Variants in WWP2 observed in about 807,000 individuals in gnomAD.
The protein encoded by WWP2 is NEDD4-like E3 ubiquitin-protein ligase WWP2.
A neutral mutation model predicts 121.0 loss-of-function variants in WWP2; 57 were observed. The ratio of observed to expected loss-of-function variants is 0.47; its 90% CI spans 0.38 to 0.59. The LOEUF is 0.59. Ranked by LOEUF, WWP2 falls within the 20% of genes least tolerant of loss-of-function variation. The pLI is 0.00. For synonymous variants in WWP2, 449 were observed against 441.3 expected (o/e 1.02, Z -0.22); for missense variants, 962 against 1,158.9 (o/e 0.83, Z 2.47).
At chr16:69,859,734 C>T (rs1021494517) in intron 6 of WWP2, among the ~76,000 whole-genome samples, 10 of 151,956 alleles carry the variant, frequency 6.6e-5, no homozygotes, top group East Asian at 1.9e-4. Flanking sequence ...CCTCCACCTT[C>T]GAGCCAGGAA....
At position 69,939,047 on chromosome 16, in the gene WWP2, C is replaced by A; in HGVS notation, c.2364C>A (p.Asn788Lys). The A allele has an allele frequency of 6.2e-7, 1 of 1,605,708 alleles. No homozygotes were observed. Among genetic ancestry groups the A allele is most frequent in the Non-Finnish European group, 8.5e-7 (1 of 1,175,682 alleles). The change falls in exon 22 of 24, where the codon AAC (asparagine) becomes AAA (lysine). Residue 788 changes from asparagine (N) to lysine (K), a missense_variant. Asn to Lys is a moderately conservative substitution (Grantham distance 94, BLOSUM62 0). This residue lies in a region of WWP2 where 606 missense variants were observed against 772.6 expected (regional missense o/e 0.78). Transcript: ENST00000359154. ...WFWQVVKEMD[N>K]EKRIRLLQFV... ...TCCAGGTGGTGAAGGAGATGGACAA[C>A]GAGAAGAGGATCCGGCTGCTGCAGT...
At chr16:69,860,727 C>T (rs1459593462) in intron 6 of WWP2, among the ~76,000 whole-genome samples, 1 of 152,078 alleles carries the variant, frequency 6.6e-6, no homozygotes, top group Non-Finnish European at 1.5e-5. Context: ...AAATAATGCT[C>T]TACCCAGCTC....
At chr16:69,773,537 A>G (rs1450867459) in intron 1 of WWP2, among the ~76,000 whole-genome samples, 18 of 151,234 alleles carry the variant, frequency 1.2e-4, no homozygotes, top group Non-Finnish European at 2.6e-4. Flanking sequence ...GCTGGAGTGC[A>G]GTGGAGTGAT....
At chr16:69,834,564 G>C (rs1433477869) in intron 4 of WWP2, among the ~76,000 whole-genome samples, 1 of 135,712 alleles carries the variant, frequency 7.4e-6, no homozygotes, top group African/African-American at 2.8e-5. Flanking sequence ...TTTCGCTCTT[G>C]TTGCCCAGGC....
At chr16:69,806,811 T>C (rs1229934108) in intron 4 of WWP2, among the ~76,000 whole-genome samples, 2 of 152,208 alleles carry the variant, frequency 1.3e-5, no homozygotes, top group Admixed American at 1.3e-4. Context: ...TTTTTGTTTT[T>C]CATTTTTGCT....
intron 23 of WWP2, 63 bp from the exon 24 acceptor site, chr16:69,939,778 T>C: frequency 6.8e-7 from 1 of 1,473,002 alleles, no homozygotes; most frequent in Non-Finnish European, 9.3e-7. Flanking sequence ...CAGGCAGGCA[T>C]GGTGGGGCTA....
rs113616767 is a variant in WWP2 at position 69,934,084 on chromosome 16, G to A, written c.1797G>A (p.Pro599=). The stretch of plus-strand genomic sequence containing the variant: ...TCAACCCCGCCTCCTCCATCAACCC[G>A]GACCACCTCACCTACTTTCGCTTTA... ...LQINPASSIN[P]DHLTYFRFIG... The change falls in exon 17 of 24, where the codon CCG becomes CCA. Residue 599 remains proline, a synonymous_variant. Coordinates refer to ENST00000359154, the MANE Select transcript of WWP2 (RefSeq NM_001270454.2). The A allele has an allele frequency of 4.4e-5, 71 of 1,613,920 alleles. 1 individual carries two copies. Among genetic ancestry groups the A allele is most frequent in the African/African-American group, 8.0e-5 (6 of 74,872 alleles).
chr16:69,771,445 C>G (rs1171882203), intron 1 of WWP2, among the ~76,000 whole-genome samples: 2 of 152,110 alleles, frequency 1.3e-5, no homozygotes, highest in Non-Finnish European at 2.9e-5. Context: ...CGGGGTTTCC[C>G]CATGTTGGCC....
chr16:69,909,286 CA>C (rs1290335049), intron 9 of WWP2: 6 of 989,248 alleles, frequency 6.1e-6, no homozygotes, highest in Non-Finnish European at 7.2e-6. Flanking sequence ...GTTCTTTCCA[CA>C]TGTGTCTCCT....
chr16:69,936,253 G>GA, intron 18 of WWP2, 59 bp from the exon 19 acceptor site: 1 of 1,609,138 alleles, frequency 6.2e-7, no homozygotes, highest in Non-Finnish European at 8.5e-7. Flanking sequence ...AACAGAGCAG[G>GA]ATCCAGGAAA....
chr16:69,787,488 A>C (rs1432365593), intron 2 of WWP2, among the ~76,000 whole-genome samples: 2 of 152,128 alleles, frequency 1.3e-5, no homozygotes, highest in African/African-American at 2.4e-5. Context: ...TACTAAGGAC[A>C]CTGAAGTGGG....
At chr16:69,771,793 G>T (rs1240884715) in intron 1 of WWP2, among the ~76,000 whole-genome samples, 1 of 151,982 alleles carries the variant, frequency 6.6e-6, no homozygotes, top group African/African-American at 2.4e-5. Context: ...GGACCCAAGT[G>T]CGGGAAGGTG....
intron 2 of WWP2, among the ~76,000 whole-genome samples, chr16:69,793,391 G>A (rs1442008335): frequency 2.0e-5 from 3 of 152,070 alleles, no homozygotes; most frequent in Admixed American, 6.6e-5. Flanking sequence ...CACTGGGACT[G>A]TAGCATTGCA....
chr16:69,825,447 C>G (rs2151850466), intron 4 of WWP2, among the ~76,000 whole-genome samples: 1 of 151,382 alleles, frequency 6.6e-6, no homozygotes, highest in South Asian at 2.1e-4. Flanking sequence ...CCCCAAAAAC[C>G]AAAAAACTAA....
chr16:69,937,291 G>C lies in WWP2; in HGVS notation c.2238+53G>C, dbSNP rs2058814257. The C allele has an allele frequency of 6.2e-7, 1 of 1,603,546 alleles. No individual in the cohort carries two copies. On this transcript the variant is annotated intron_variant, in intron 20 of 23. Coordinates refer to ENST00000359154, the MANE Select transcript of WWP2 (RefSeq NM_001270454.2). This position sits in a 1 kb window ranked among gnomAD's most constrained non-coding sequence, Gnocchi z 6.6. ...GAGCCCCTGCCTCTGGGGCGATCCTGCTCTGTGATACGCTCACTGTGTACC... is the reference window on the plus strand; with the variant it reads ...GAGCCCCTGCCTCTGGGGCGATCCTCCTCTGTGATACGCTCACTGTGTACC...
chr16:69,934,824 A>G (rs12932078), intron 17 of WWP2, among the ~76,000 whole-genome samples: 120,974 of 151,770 alleles, frequency 0.8, 48,566 homozygotes, highest in East Asian at 0.96. Context: ...CCAGCTTTTT[A>G]CATTTTTAGG....
At chr16:69,929,678 C>G (rs2058685897) in intron 12 of WWP2, 149 bp downstream of exon 12, 6 of 693,728 alleles carry the variant, frequency 8.6e-6, no homozygotes, top group Non-Finnish European at 1.5e-5. Flanking sequence ...TCTCACCGTA[C>G]AGATACACTG....
intron 1 of WWP2, among the ~76,000 whole-genome samples, chr16:69,781,328 G>A (rs560407415): frequency 2.0e-5 from 3 of 152,010 alleles, no homozygotes; most frequent in Non-Finnish European, 4.4e-5. Context: ...TCATTTGCAG[G>A]TCTTTGGCTT....
chr16:69,917,720 G>A lies in WWP2; in HGVS notation c.1016G>A (p.Arg339His), dbSNP rs1231745895. 3.1e-6 allele frequency: 5 copies of A among 1,603,312 alleles called. No individual in the cohort carries two copies. Among genetic ancestry groups the A allele is most frequent in the Non-Finnish European group, 3.4e-6 (4 of 1,170,814 alleles). Residue 339 changes from arginine (R) to histidine (H), a missense_variant, in exon 10 of 24, where the codon CGC becomes CAC. Physicochemically the swap from Arg to His is conservative, Grantham distance 29. This residue lies in a region of WWP2 where 606 missense variants were observed against 772.6 expected (regional missense o/e 0.78). Coordinates refer to ENST00000359154, the MANE Select transcript of WWP2 (RefSeq NM_001270454.2). ...GTTCCTATTTCCAGCTGGGAAAAAC[G>A]CACAGATCCCCGAGGCAGGTTTTAC... ...ERPLPPGWEK[R>H]TDPRGRFYYV... is the part of the protein sequence containing the mutation.
Sources: gnomAD v4.1 joint callset for allele counts (sites outside exome capture counted in the v4.1 genomes callset) on GRCh38, gnomAD v4.1.1 for gene constraint, gnomAD v4.1.1 regional missense constraint, Gnocchi (gnomAD v3.1) non-coding constraint, MANE v1.5 for transcripts, NCBI Gene and HGNC (gene_info 2026-07-23, HGNC 2026-07-21) for gene names.